CRLS1: variants seen among roughly 807,000 people sequenced by gnomAD.
CRLS1 encodes cardiolipin synthase 1.
CRLS1 carries 24 observed loss-of-function variants against 37.0 expected under a neutral mutation model. The observed-to-expected ratio is 0.65, with a 90% CI of 0.47 to 0.91. CRLS1 has a LOEUF of 0.91. Ranked by LOEUF, CRLS1 falls within the 40% of genes least tolerant of loss-of-function variation. The pLI, the probability that CRLS1 is intolerant of heterozygous loss-of-function variation, is 0.00. For synonymous variants in CRLS1, 135 were observed against 159.7 expected, an observed-to-expected ratio of 0.85 and a Z score of 1.17; for missense variants, 373 against 395.8, an observed-to-expected ratio of 0.94 and a Z score of 0.49.
chr20:6,012,863 G>A (rs187332674), intron 2 of CRLS1, among the ~76,000 whole-genome samples: 148 of 152,298 alleles, frequency 9.7e-4, no homozygotes, highest in African/African-American at 3.1e-3. Flanking sequence ...AATAGCTGGC[G>A]AGGAAGAAAA....
At chr20:6,027,993 C>T (rs958350324) in intron 3 of CRLS1, among the ~76,000 whole-genome samples, 2 of 152,200 alleles carry the variant, frequency 1.3e-5, no homozygotes, top group Admixed American at 1.3e-4. Flanking sequence ...TCTGTCTCCT[C>T]TACTTATTCT....
intron 2 of CRLS1, among the ~76,000 whole-genome samples, chr20:6,013,124 G>A (rs1978463033): frequency 6.6e-6 from 1 of 151,550 alleles, no homozygotes; most frequent in South Asian, 2.1e-4. Flanking sequence ...ATATACTGGG[G>A]AATTATATCT....
chr20:6,006,808 CCG>C (rs2090063159), intron 1 of CRLS1: 2 of 985,368 alleles, frequency 2.0e-6, no homozygotes, highest in Non-Finnish European at 2.4e-6. Context: ...GCTGGAAGGG[CCG>C]CCTCTGCATA....
intron 3 of CRLS1, among the ~76,000 whole-genome samples, chr20:6,024,477 C>G (rs1264697076): frequency 6.6e-6 from 1 of 152,164 alleles, no homozygotes; most frequent in Non-Finnish European, 1.5e-5. Context: ...TCTGACTGCT[C>G]CACCAATCTG....
At chr20:6,029,284 C>T (rs1316839525) in intron 3 of CRLS1, among the ~76,000 whole-genome samples, 2 of 151,822 alleles carry the variant, frequency 1.3e-5, no homozygotes, top group African/African-American at 4.8e-5. Flanking sequence ...GGCCTACATT[C>T]CTGGTTAAAT....
At chr20:6,035,322 C>G (rs1980464039) in intron 6 of CRLS1, among the ~76,000 whole-genome samples, 1 of 151,804 alleles carries the variant, frequency 6.6e-6, no homozygotes, top group South Asian at 2.1e-4. Flanking sequence ...AGTGTAGGTC[C>G]ATCAGTGGGA....
intron 3 of CRLS1, among the ~76,000 whole-genome samples, chr20:6,027,220 A>G (rs1224770428): frequency 6.6e-6 from 1 of 151,444 alleles, no homozygotes; most frequent in Non-Finnish European, 1.5e-5. Context: ...AGTAGCTGGG[A>G]TTACAGCCAC....
intron 1 of CRLS1, among the ~76,000 whole-genome samples, chr20:6,007,859 T>A (rs1004216844): frequency 6.6e-6 from 1 of 152,242 alleles, no homozygotes; most frequent in African/African-American, 2.4e-5. Flanking sequence ...ATTCCAAGAA[T>A]GTTTTCATTG....
At chr20:6,018,066 A>G (rs778979327) in intron 3 of CRLS1, among the ~76,000 whole-genome samples, 6 of 151,850 alleles carry the variant, frequency 4.0e-5, no homozygotes, top group Non-Finnish European at 7.4e-5. Flanking sequence ...AAATACAACA[A>G]TTAGCCATAT....
intron 3 of CRLS1, among the ~76,000 whole-genome samples, chr20:6,020,826 G>A (rs1225776203): frequency 6.6e-6 from 1 of 150,746 alleles, no homozygotes; most frequent in Non-Finnish European, 1.5e-5. Flanking sequence ...TAGAGGCGGG[G>A]TTTCACTGTG....
intron 3 of CRLS1, among the ~76,000 whole-genome samples, chr20:6,019,805 G>C (rs62205718): frequency 0.1 from 15,362 of 151,226 alleles, 951 homozygotes; most frequent in Non-Finnish European, 0.14. Flanking sequence ...AGGATTACAG[G>C]TGTGTGCCAC....
At chr20:6,036,501 T>C (rs1568634276) in intron 6 of CRLS1, among the ~76,000 whole-genome samples, 1 of 152,238 alleles carries the variant, frequency 6.6e-6, no homozygotes, top group Non-Finnish European at 1.5e-5. Flanking sequence ...CTGAAATTTA[T>C]TTAAAATGAC....
intron 3 of CRLS1, among the ~76,000 whole-genome samples, chr20:6,021,423 G>A (rs902874459): frequency 1.3e-5 from 2 of 152,050 alleles, no homozygotes; most frequent in African/African-American, 4.8e-5. Context: ...GAATTGTTAC[G>A]TCTTCTTGGT....
chr20:6,010,239 G>C (rs1233211964), intron 2 of CRLS1, among the ~76,000 whole-genome samples: 3 of 152,168 alleles, frequency 2.0e-5, no homozygotes, highest in Non-Finnish European at 4.4e-5. Flanking sequence ...TAAAGGAGAG[G>C]AGATCTGAGA....
chr20:6,026,212 G>A, intron 3 of CRLS1: 1 of 152,194 alleles, frequency 6.6e-6, no homozygotes, highest in Non-Finnish European at 1.5e-5. Context: ...CCACCACACT[G>A]ATCAGTCAGC....
intron 3 of CRLS1, among the ~76,000 whole-genome samples, chr20:6,025,201 G>A (rs909707115): frequency 5.9e-5 from 9 of 152,282 alleles, no homozygotes; most frequent in East Asian, 5.8e-4. Context: ...GAAAGAACAG[G>A]CTGATTCTCT....
chr20:6,034,562 TA>T lies in CRLS1; in HGVS notation c.821+10del. ...TTTATCTTCAGATACTATGGTAAGC[TA>T]AATTTAGAATCACTCTCTTAGAATG... is the stretch of plus-strand genomic sequence containing the variant. On this transcript the variant is annotated splice_region_variant and intron_variant, in intron 6 of 6. Coordinates refer to ENST00000378863, the MANE Select transcript of CRLS1 (RefSeq NM_019095.6). 6.3e-7 allele frequency: 1 copy of T among 1,584,428 alleles called. No homozygotes were observed. Among genetic ancestry groups the T allele is most frequent in the Non-Finnish European group, 8.7e-7 (1 of 1,155,534 alleles).
At chr20:6,015,244 ATTTTG>A in intron 2 of CRLS1, 112 bp from the exon 3 acceptor site, 1 of 577,788 alleles carries the variant, frequency 1.7e-6, no homozygotes. Flanking sequence ...AACAGAAGAC[ATTTTG>A]TTAACATTTT....
intron 2 of CRLS1, among the ~76,000 whole-genome samples, chr20:6,013,274 A>G (rs1474705573): frequency 6.9e-6 from 1 of 144,404 alleles, no homozygotes; most frequent in African/African-American, 2.6e-5. Context: ...TTGGCCTTGA[A>G]CTCCTGGCTT....
Sources: gnomAD v4.1 joint callset for allele counts (sites outside exome capture counted in the v4.1 genomes callset) on GRCh38, gnomAD v4.1.1 for gene constraint, MANE v1.5 for transcripts, NCBI Gene and HGNC (gene_info 2026-07-23, HGNC 2026-07-21) for gene names.